The following MCC variants were observed in gnomAD, a reference collection of about 807,000 sequenced individuals.
MCC encodes the protein colorectal mutant cancer protein.
A neutral mutation model predicts 116.2 loss-of-function variants in MCC; 90 were observed. The ratio of observed to expected loss-of-function variants is 0.77; its 90% confidence interval spans 0.65 to 0.92. The LOEUF (loss-of-function observed/expected upper bound fraction) is 0.92, where lower values mean the gene tolerates loss of function less well. Among genes scored for constraint, MCC ranks in the 40% least tolerant of loss-of-function variants. The pLI is 0.00. For synonymous variants in MCC, 578 were observed against 510.5 expected, an observed-to-expected ratio of 1.13 and a Z score of -1.78; for missense variants, 1,516 against 1,312.2, an observed-to-expected ratio of 1.16 and a Z score of -2.40.
chr5:113,300,639 A>C (rs1766839201), intron 3 of MCC, among the ~76,000 whole-genome samples: 1 of 152,168 alleles, frequency 6.6e-6, no homozygotes, highest in Admixed American at 6.5e-5. Context: ...CATAAAAATT[A>C]GGGAGCCCTC....
At chr5:113,124,931 C>A (rs1757956701) in intron 5 of MCC, among the ~76,000 whole-genome samples, 1 of 152,204 alleles carries the variant, frequency 6.6e-6, no homozygotes, top group Non-Finnish European at 1.5e-5. Context: ...CCAAAGAAGA[C>A]CTCCTGGGTG....
At chr5:113,216,555 C>A (rs1763323935) in intron 3 of MCC, among the ~76,000 whole-genome samples, 1 of 152,222 alleles carries the variant, frequency 6.6e-6, no homozygotes, top group Admixed American at 6.5e-5. Flanking sequence ...CAGTGACAGG[C>A]ACACAGTAGC....
chr5:113,352,687 C>CCCCCTTTGAG (rs76760204), intron 2 of MCC, among the ~76,000 whole-genome samples: 68,314 of 151,642 alleles, frequency 0.45, 16,755 homozygotes, highest in African/African-American at 0.64. Flanking sequence ...AGAAAGGGTT[C>CCCCCTTTGAG]ATGAATGCAC....
Position 113,376,439 on chromosome 5 carries a change from C to T in MCC, c.415+8529G>A, listed in dbSNP as rs374348136. 7.9e-5 allele frequency among the ~76,000 whole-genome samples: 12 copies of T among 152,184 alleles called. No individual in the cohort carries two copies. The East Asian group carries it at 1.9e-3, about 24-fold the overall frequency. On this transcript the variant is annotated intron_variant, in intron 2 of 18. Coordinates refer to ENST00000408903, the MANE Select transcript of MCC (RefSeq NM_001085377.2). The stretch of plus-strand genomic sequence containing the variant: ...TATAACACAATGTGGCTGATAATTG[C>T]AATGACAGTTAAATGCACAAGATAT...
chr5:113,058,652 C>T (rs1353711071), intron 14 of MCC, among the ~76,000 whole-genome samples: 1 of 152,216 alleles, frequency 6.6e-6, no homozygotes, highest in African/African-American at 2.4e-5. Context: ...TGATGTCAGT[C>T]AAACCTGGAT....
chr5:113,437,334 C>G (rs899179587), intron 1 of MCC, among the ~76,000 whole-genome samples: 1 of 152,148 alleles, frequency 6.6e-6, no homozygotes, highest in Admixed American at 6.5e-5. Context: ...CAGAGCTTTA[C>G]ACACAGTCAT....
At chr5:113,251,387 G>A (rs552064176) in intron 3 of MCC, among the ~76,000 whole-genome samples, 16 of 152,234 alleles carry the variant, frequency 1.1e-4, no homozygotes, top group Middle Eastern at 3.4e-3. Flanking sequence ...ACCATAATGT[G>A]TACTATGATA....
At chr5:113,075,191 T>G (rs1754343408) in intron 11 of MCC, among the ~76,000 whole-genome samples, 1 of 152,292 alleles carries the variant, frequency 6.6e-6, no homozygotes, top group Non-Finnish European at 1.5e-5. Context: ...CCAGCAGCTG[T>G]GGAGGGTGCA....
intron 3 of MCC, among the ~76,000 whole-genome samples, chr5:113,312,346 T>A (rs1767155837): frequency 6.6e-6 from 1 of 152,048 alleles, no homozygotes; most frequent in Non-Finnish European, 1.5e-5. Flanking sequence ...TGAATACATA[T>A]AACAGAGTTC....
chr5:113,106,687 G>A (rs1280376445), intron 6 of MCC, among the ~76,000 whole-genome samples: 2 of 152,170 alleles, frequency 1.3e-5, no homozygotes, highest in Non-Finnish European at 2.9e-5. Flanking sequence ...AGCCTCCCAA[G>A]ATGCTGGGAC....
chr5:113,043,739 G>A, intron 16 of MCC, 109 bp from the exon 17 acceptor site: 3 of 682,986 alleles, frequency 4.4e-6, no homozygotes. Flanking sequence ...CAGCAGTGTG[G>A]GCACCGGGTG....
intron 1 of MCC, among the ~76,000 whole-genome samples, chr5:113,402,740 G>A (rs541522894): frequency 1.2e-4 from 18 of 152,146 alleles, no homozygotes; most frequent in Non-Finnish European, 2.5e-4. Flanking sequence ...TTACAGAAAG[G>A]AGAAGGAGGA....
chr5:113,387,180 A>G (rs1385209277), intron 1 of MCC, among the ~76,000 whole-genome samples: 1 of 152,166 alleles, frequency 6.6e-6, no homozygotes, highest in Non-Finnish European at 1.5e-5. Flanking sequence ...ATCTATCTGA[A>G]GACTCATAGC....
At chr5:113,432,803 G>C (rs1042652657) in intron 1 of MCC, 1 of 152,186 alleles carries the variant, frequency 6.6e-6, no homozygotes, top group East Asian at 1.9e-4. Flanking sequence ...ATTTTCTTCT[G>C]GGGGTGCTGG....
chr5:113,269,050 G>A (rs1034532253), intron 3 of MCC: 2 of 489,104 alleles, frequency 4.1e-6, no homozygotes, highest in Admixed American at 1.3e-4. Flanking sequence ...AACTAAGAAG[G>A]CAGCAGCACA....
chr5:113,120,035 G>T (rs2150268456), intron 6 of MCC, among the ~76,000 whole-genome samples: 1 of 152,322 alleles, frequency 6.6e-6, no homozygotes, highest in South Asian at 2.1e-4. Flanking sequence ...ATGGAACTTT[G>T]TTGGAGTACA....
intron 5 of MCC, among the ~76,000 whole-genome samples, chr5:113,126,856 TC>T (rs1758081443): frequency 6.6e-6 from 1 of 152,132 alleles, no homozygotes; most frequent in Non-Finnish European, 1.5e-5. Flanking sequence ...GGTGCCACTA[TC>T]CCTCATATTG....
At chr5:113,364,238 G>GAAAAAAAAAAAAAAAAAAAAAAAAGAA (rs60976854) in intron 2 of MCC, among the ~76,000 whole-genome samples, 1 of 49,422 alleles carries the variant, frequency 2.0e-5, no homozygotes, top group Non-Finnish European at 3.6e-5. Flanking sequence ...CTCAAAAACA[G>GAAAAAAAAAAAAAAAAAAAAAAAAGAA]AAAAAAAAAA....
At chr5:113,236,872 AG>A (rs1764154314) in intron 3 of MCC, among the ~76,000 whole-genome samples, 1 of 152,204 alleles carries the variant, frequency 6.6e-6, no homozygotes. Context: ...AGGCTGGACC[AG>A]GAGAGCATTC....
Sources: allele counts gnomAD v4.1 joint callset (sites outside exome capture counted in the v4.1 genomes callset), GRCh38; gene constraint gnomAD v4.1.1; transcripts MANE v1.5; gene names NCBI Gene and HGNC (gene_info 2026-07-23, HGNC 2026-07-21).